Variants in DACH1 observed in about 807,000 individuals in gnomAD.
DACH1 encodes the protein dachshund homolog 1.
Under a neutral mutation model 54.2 loss-of-function variants are expected in DACH1, and 12 were observed. The observed-to-expected ratio is 0.22, with a 90% CI of 0.14 to 0.36. The LOEUF (loss-of-function observed/expected upper bound fraction) is 0.36, where lower values mean the gene tolerates loss of function less well. DACH1 is among the 10% of genes least tolerant of loss of function. DACH1 has a pLI of 1.00. For missense variants in DACH1, 805 were observed against 929.8 expected (o/e 0.87, Z 1.75); for synonymous variants, 386 against 366.2 (o/e 1.05, Z -0.62).
intron 3 of DACH1, among the ~76,000 whole-genome samples, chr13:71,627,766 G>T (rs1286999455): frequency 2.0e-5 from 3 of 151,940 alleles, no homozygotes; most frequent in African/African-American, 7.3e-5. Context: ...AGCTAATATT[G>T]AATGTCCTAC....
chr13:71,833,436 G>C (rs1888667627), intron 1 of DACH1, among the ~76,000 whole-genome samples: 1 of 152,012 alleles, frequency 6.6e-6, no homozygotes, highest in African/African-American at 2.4e-5. Flanking sequence ...TGAAGTATAA[G>C]TGGAGAGAAT....
At chr13:71,637,814 AC>A in intron 2 of DACH1, among the ~76,000 whole-genome samples, 1 of 152,188 alleles carries the variant, frequency 6.6e-6, no homozygotes. Context: ...ATAAGTTAGT[AC>A]CCTTACTTAT....
At chr13:71,770,803 T>C (rs1365797696) in intron 1 of DACH1, among the ~76,000 whole-genome samples, 2 of 151,430 alleles carry the variant, frequency 1.3e-5, no homozygotes, top group Non-Finnish European at 3.0e-5. Context: ...CAAAGACTTA[T>C]GGCAACAAAA....
chr13:71,715,746 G>A (rs951536814), intron 1 of DACH1, among the ~76,000 whole-genome samples: 2 of 151,312 alleles, frequency 1.3e-5, no homozygotes, highest in Admixed American at 6.6e-5. Flanking sequence ...AACAATTAAT[G>A]GGCTCTGAAA....
chr13:71,572,760 C>T (rs1003843295), intron 4 of DACH1, 80 bp downstream of exon 4: 20 of 1,440,810 alleles, frequency 1.4e-5, no homozygotes, highest in Non-Finnish European at 7.5e-6. Context: ...TTCAGATGTA[C>T]TTATGGAATA....
At chr13:71,755,136 A>G (rs1885090702) in intron 1 of DACH1, among the ~76,000 whole-genome samples, 1 of 152,214 alleles carries the variant, frequency 6.6e-6, no homozygotes, top group Admixed American at 6.5e-5. Context: ...AGTGTTCAAC[A>G]GAGTTGCCGA....
intron 1 of DACH1, among the ~76,000 whole-genome samples, chr13:71,773,078 A>G (rs937548118): frequency 6.6e-6 from 1 of 151,826 alleles, no homozygotes; most frequent in Admixed American, 6.6e-5. Flanking sequence ...CTATTATTTT[A>G]AAATATGTAC....
In DACH1 at chr13:71,783,606, A is replaced by G. The variant is rs564051067; in HGVS notation, c.848+82316T>C. Among the ~76,000 whole-genome samples the G allele has an allele frequency of 2.0e-5, 3 of 152,266 alleles. No homozygotes were observed. The East Asian group carries it at 5.8e-4, about 29-fold the overall frequency. On this transcript the variant is annotated intron_variant, in intron 1 of 10. Transcript: ENST00000613252. ...CGATAACCAACGATACCTGCCCCCA[A>G]GAGCATTGCCTTTAGTAGGAAAGGC... is the stretch of plus-strand genomic sequence containing the variant.
chr13:71,699,005 T>G (rs1469953595), intron 1 of DACH1, among the ~76,000 whole-genome samples: 1 of 152,152 alleles, frequency 6.6e-6, no homozygotes, highest in African/African-American at 2.4e-5. Flanking sequence ...ACTGTGTATG[T>G]ACAGAAGACC....
Position 71,670,434 on chromosome 13 carries a change from C to T in DACH1, c.964+11361G>A, listed in dbSNP as rs143050320. Among the ~76,000 whole-genome samples, 737 of 152,176 alleles carry T rather than the reference C, an allele frequency of 4.8e-3. 4 individuals are homozygous for T. Among genetic ancestry groups the T allele is most frequent in the African/African-American group, 0.017 (693 of 41,528 alleles). ...TGAAAGCAATATGTGATAGTTTGAA[C>T]ATATATTGTAACAGTAGCAATGACA... On this transcript the variant is annotated intron_variant, in intron 2 of 10. Coordinates refer to ENST00000613252, the MANE Select transcript of DACH1 (RefSeq NM_080759.6).
chr13:71,548,745 CA>C, intron 6 of DACH1, among the ~76,000 whole-genome samples: 1 of 152,062 alleles, frequency 6.6e-6, no homozygotes, highest in Non-Finnish European at 1.5e-5. Flanking sequence ...GGTAAAACCT[CA>C]TCTCCACTAA....
At chr13:71,788,068 G>GTGTGTA (rs1326446568) in intron 1 of DACH1, among the ~76,000 whole-genome samples, 2 of 152,160 alleles carry the variant, frequency 1.3e-5, no homozygotes, top group East Asian at 3.8e-4. Flanking sequence ...AACACACTAT[G>GTGTGTA]TGTGTATGTG....
At chr13:71,648,440 A>C (rs1878451154) in intron 2 of DACH1, among the ~76,000 whole-genome samples, 1 of 152,192 alleles carries the variant, frequency 6.6e-6, no homozygotes, top group African/African-American at 2.4e-5. Context: ...AAAGGGAGGG[A>C]GACAACAATA....
chr13:71,854,195 A>G (rs972528993), intron 1 of DACH1, among the ~76,000 whole-genome samples: 1 of 152,056 alleles, frequency 6.6e-6, no homozygotes, highest in Non-Finnish European at 1.5e-5. Context: ...AATTTAAGGG[A>G]TCTGTTCTAA....
chr13:71,826,459 G>T (rs1159787883), intron 1 of DACH1, among the ~76,000 whole-genome samples: 2 of 151,858 alleles, frequency 1.3e-5, no homozygotes, highest in East Asian at 3.9e-4. Flanking sequence ...TGGCCAGCTG[G>T]TACCTTCTCC....
At position 71,664,923 on chromosome 13, in the gene DACH1, T is replaced by C. The variant is rs141277466; in HGVS notation, c.964+16872A>G. On this transcript the variant is annotated intron_variant, in intron 2 of 10. Transcript: ENST00000613252. ...CAAAGAGCTTATGCTGAACTTCCCT[T>C]GGATGCCAATTGTGACATTGCTTTG... Among the ~76,000 whole-genome samples the C allele has an allele frequency of 9.3e-3, 1,412 of 152,172 alleles. 11 individuals are homozygous for C. Among genetic ancestry groups the C allele is most frequent in the Middle Eastern group, 0.048 (14 of 294 alleles).
chr13:71,742,656 G>A (rs9542742), intron 1 of DACH1, among the ~76,000 whole-genome samples: 1 of 152,128 alleles, frequency 6.6e-6, no homozygotes, highest in Non-Finnish European at 1.5e-5. Context: ...GCTGTCTGCA[G>A]AATTGCAGCC....
chr13:71,789,878 C>T (rs80012553), intron 1 of DACH1, among the ~76,000 whole-genome samples: 1 of 152,116 alleles, frequency 6.6e-6, no homozygotes, highest in Non-Finnish European at 1.5e-5. Context: ...ATGTGTTTCT[C>T]AGGGTCTGTG....
intron 2 of DACH1, among the ~76,000 whole-genome samples, chr13:71,669,899 A>G (rs986666626): frequency 5.3e-5 from 8 of 152,184 alleles, no homozygotes; most frequent in African/African-American, 1.9e-4. Flanking sequence ...AAGAGAATAA[A>G]GGCCAGACCT....
Sources: allele counts gnomAD v4.1 joint callset (sites outside exome capture counted in the v4.1 genomes callset), GRCh38; gene constraint gnomAD v4.1.1; transcripts MANE v1.5; gene names NCBI Gene and HGNC (gene_info 2026-07-23, HGNC 2026-07-21).